The following CSMD1 variants were observed in gnomAD, a reference collection of about 807,000 sequenced individuals.
CSMD1 encodes the protein CUB and Sushi multiple domains 1.
CSMD1 carries 213 observed loss-of-function variants against 417.5 expected under a neutral mutation model. That is an observed-to-expected ratio of 0.51 (90% CI 0.46 to 0.57). CSMD1 has a LOEUF of 0.57. Among genes scored for constraint, CSMD1 ranks in the 20% least tolerant of loss-of-function variants. The probability of loss-of-function intolerance (pLI) is 0.00; values close to 1 mark genes in which losing one functional copy is unlikely to be tolerated. For synonymous variants in CSMD1, 2,862 were observed against 1,736.8 expected (o/e 1.65, Z -16.11); for missense variants, 6,923 against 4,529.7 (o/e 1.53, Z -15.17).
chr8:4,616,798 G>A (rs990804390), intron 2 of CSMD1, among the ~76,000 whole-genome samples: 1 of 152,058 alleles, frequency 6.6e-6, no homozygotes, highest in Non-Finnish European at 1.5e-5. Context: ...AGAATCCAGA[G>A]GAAAAAACTA....
intron 2 of CSMD1, among the ~76,000 whole-genome samples, chr8:4,632,396 C>T (rs1185158997): frequency 2.6e-5 from 4 of 152,238 alleles, no homozygotes; most frequent in South Asian, 2.1e-4. Flanking sequence ...CCTGTAATCC[C>T]AGTTACTCAG....
chr8:4,233,022 C>G (rs1322190613), intron 3 of CSMD1, among the ~76,000 whole-genome samples: 3 of 152,040 alleles, frequency 2.0e-5, no homozygotes, highest in South Asian at 2.1e-4. Flanking sequence ...CTACATGCAC[C>G]TGCAGATCAA....
At chr8:4,229,368 C>G (rs1801567617) in intron 3 of CSMD1, among the ~76,000 whole-genome samples, 1 of 152,198 alleles carries the variant, frequency 6.6e-6, no homozygotes. Context: ...CCATCATCAA[C>G]AAAGCAGCCC....
chr8:3,436,247 A>T (rs936097324), intron 12 of CSMD1, among the ~76,000 whole-genome samples: 1 of 152,248 alleles, frequency 6.6e-6, no homozygotes, highest in Non-Finnish European at 1.5e-5. Context: ...TTAAAATGTG[A>T]CATGAGTCTC....
chr8:4,876,866 G>T (rs558338523), intron 1 of CSMD1, among the ~76,000 whole-genome samples: 1 of 152,056 alleles, frequency 6.6e-6, no homozygotes, highest in African/African-American at 2.4e-5. Context: ...AACATTGTAG[G>T]TAAGAATGAG....
At chr8:4,531,084 T>G (rs1324789785) in intron 2 of CSMD1, among the ~76,000 whole-genome samples, 2 of 152,206 alleles carry the variant, frequency 1.3e-5, no homozygotes, top group Non-Finnish European at 2.9e-5. Context: ...ACTATAAAAC[T>G]GATTAACCTG....
intron 3 of CSMD1, among the ~76,000 whole-genome samples, chr8:4,407,599 G>C (rs754451873): frequency 3.3e-5 from 5 of 152,136 alleles, no homozygotes; most frequent in Non-Finnish European, 5.9e-5. Flanking sequence ...TAAATTTCTA[G>C]GAATTTCAGT....
intron 5 of CSMD1, among the ~76,000 whole-genome samples, chr8:3,869,432 C>T (rs889401887): frequency 6.6e-6 from 1 of 152,152 alleles, no homozygotes. Flanking sequence ...CCAATCCTGT[C>T]CTGCCTTCAT....
chr8:3,766,359 G>C (rs755557434), intron 5 of CSMD1, among the ~76,000 whole-genome samples: 5 of 152,190 alleles, frequency 3.3e-5, no homozygotes, highest in Non-Finnish European at 7.3e-5. Context: ...CTGGATCCAA[G>C]TCAGTGACCT....
intron 40 of CSMD1, among the ~76,000 whole-genome samples, chr8:3,143,372 C>A (rs1004288693): frequency 2.0e-5 from 3 of 152,176 alleles, no homozygotes; most frequent in Non-Finnish European, 4.4e-5. Flanking sequence ...CCATAACTCT[C>A]ACAATTAAAT....
intron 3 of CSMD1, among the ~76,000 whole-genome samples, chr8:4,326,654 T>C (rs1480611324): frequency 6.6e-6 from 1 of 152,134 alleles, no homozygotes; most frequent in Non-Finnish European, 1.5e-5. Context: ...CTACCCAACG[T>C]TTCCTCAAAG....
intron 3 of CSMD1, among the ~76,000 whole-genome samples, chr8:4,171,776 A>G (rs1041647739): frequency 1.3e-5 from 2 of 152,150 alleles, no homozygotes; most frequent in Admixed American, 1.3e-4. Flanking sequence ...TTGGCTCACA[A>G]TCCAATTTAC....
At chr8:3,957,252 G>C (rs955073453) in intron 5 of CSMD1, among the ~76,000 whole-genome samples, 33 of 152,198 alleles carry the variant, frequency 2.2e-4, no homozygotes, top group African/African-American at 8.0e-4. Context: ...TTTGTGTGTA[G>C]GTTTCACTAT....
intron 3 of CSMD1, among the ~76,000 whole-genome samples, chr8:4,068,932 G>A (rs967796711): frequency 6.6e-6 from 1 of 152,148 alleles, no homozygotes. Flanking sequence ...ATTTTGTGGA[G>A]AAATTCTTAG....
intron 1 of CSMD1, among the ~76,000 whole-genome samples, chr8:4,667,399 A>T (rs976751236): frequency 6.6e-6 from 1 of 151,958 alleles, no homozygotes; most frequent in Admixed American, 6.6e-5. Context: ...ATGCCTGCTG[A>T]TATTTTGATT....
chr8:3,488,978 A>G, intron 11 of CSMD1, among the ~76,000 whole-genome samples: 1 of 152,206 alleles, frequency 6.6e-6, no homozygotes, highest in Middle Eastern at 3.2e-3. Context: ...TATTACCAAC[A>G]TCAATTGTTT....
At position 3,900,250 on chromosome 8, in the gene CSMD1, G is replaced by A. The variant is rs556840225; in HGVS notation, c.818+97653C>T. Among the ~76,000 whole-genome samples, 6 of 150,602 alleles carry A rather than the reference G, an allele frequency of 4.0e-5. No individual in the cohort carries two copies. In the South Asian group the frequency reaches 6.3e-4, roughly 16 times the overall value. On this transcript the variant is annotated intron_variant, in intron 5 of 69. Transcript: ENST00000635120. ...TGTTAACAGTGGAGCTGGGTAACAG[G>A]GCAGCTGGGTGACAGCACAGCTGCG...
chr8:3,381,215 G>C (rs1810607520), intron 18 of CSMD1, among the ~76,000 whole-genome samples: 1 of 151,760 alleles, frequency 6.6e-6, no homozygotes, highest in Non-Finnish European at 1.5e-5. Flanking sequence ...ATGACTGCAA[G>C]TAAAACAACT....
At chr8:3,636,619 TC>T (rs1184211509) in intron 7 of CSMD1, among the ~76,000 whole-genome samples, 2 of 152,150 alleles carry the variant, frequency 1.3e-5, no homozygotes, top group African/African-American at 4.8e-5. Flanking sequence ...GGAAATGTTT[TC>T]TCCCACCCTA....
Sources: gnomAD v4.1 joint callset for allele counts (sites outside exome capture counted in the v4.1 genomes callset) on GRCh38, gnomAD v4.1.1 for gene constraint, MANE v1.5 for transcripts, NCBI Gene and HGNC (gene_info 2026-07-23, HGNC 2026-07-21) for gene names.